The following NPHS1 variants were observed in gnomAD, a reference collection of about 807,000 sequenced individuals.
The protein encoded by NPHS1 is NPHS1 adhesion molecule, nephrin, also known as nephrin.
In NPHS1, 107 loss-of-function variants were observed where a neutral mutation model predicts 139.7. That is an observed-to-expected ratio of 0.77 (90% CI 0.66 to 0.90). NPHS1 has a LOEUF of 0.90. NPHS1 is among the 40% of genes least tolerant of loss of function. The pLI, the probability that NPHS1 is intolerant of heterozygous loss-of-function variation, is 0.00. For missense variants in NPHS1, 1,580 were observed against 1,654.2 expected, an observed-to-expected ratio of 0.96 and a Z score of 0.78; for synonymous variants, 707 against 706.6, an observed-to-expected ratio of 1.00 and a Z score of -0.01.
chr19:35,851,277 T>G lies in NPHS1; in HGVS notation c.382A>C (p.Ile128Leu). ...TCACCCATACCCAGGATGGAGAGGATCACTCTGGGAGACACGAGCTCGGGC... is the reference window on the plus strand; with the variant it reads ...TCACCCATACCCAGGATGGAGAGGAGCACTCTGGGAGACACGAGCTCGGGC... Reference protein sequence around the residue: ...MGPELVSPRVILSILVPPKLL... With the variant: ...MGPELVSPRVLLSILVPPKLL... Residue 128 changes from isoleucine (I) to leucine (L), a missense_variant, in exon 3 of 29, where the codon ATC becomes CTC. Transcript: ENST00000378910. The G allele has an allele frequency of 6.2e-7, 1 of 1,613,900 alleles. No homozygotes were observed. The highest frequency in any genetic ancestry group is 8.5e-7 in the Non-Finnish European group (1 of 1,179,922).
At chr19:35,848,567 C>T (rs976037421) in intron 9 of NPHS1, 70 bp downstream of exon 9, 3 of 1,600,004 alleles carry the variant, frequency 1.9e-6, no homozygotes, top group Non-Finnish European at 2.6e-6. Context: ...GGACCCACCC[C>T]TTCCCTATCC....
At chr19:35,833,876 T>G (rs1012297480) in intron 23 of NPHS1, among the ~76,000 whole-genome samples, 4 of 152,080 alleles carry the variant, frequency 2.6e-5, no homozygotes, top group Admixed American at 6.6e-5. Context: ...TTTTTTGTTT[T>G]TGTTTTATAG....
intron 23 of NPHS1, among the ~76,000 whole-genome samples, chr19:35,833,726 C>T (rs1240211037): frequency 9.2e-5 from 14 of 151,698 alleles, no homozygotes; most frequent in East Asian, 1.9e-4. Flanking sequence ...GACAGGGTCT[C>T]AACTCTGTTG....
intron 22 of NPHS1, among the ~76,000 whole-genome samples, 156 bp downstream of exon 22, chr19:35,839,081 A>T (rs1162003079): frequency 5.3e-5 from 8 of 152,124 alleles, no homozygotes; most frequent in Non-Finnish European, 1.5e-5. Context: ...TTTCAATCTC[A>T]TCTTTATCTT....
Position 35,851,332 on chromosome 19 carries a change from A to C in NPHS1, c.327T>G (p.Tyr109Ter), listed in dbSNP as rs779228955. 6.2e-7 allele frequency: 1 copy of C among 1,613,704 alleles called. No individual in the cohort carries two copies. Among genetic ancestry groups the C allele is most frequent in the African/African-American group, 1.3e-5 (1 of 74,892 alleles). Residue 109 changes from tyrosine to a stop codon, truncating the protein, a stop_gained, in exon 3 of 29, where the codon TAT becomes TAG. Coordinates refer to ENST00000378910, the MANE Select transcript of NPHS1 (RefSeq NM_004646.4). LOFTEE classifies it high-confidence loss of function. ...EACDLSDDAE[Y>*]ECQVGRSEMG... ...TCTCAGAGCGGCCGACCTGGCACTC[A>C]TACTCCGCGTCATCGCTGAGGTCAC... is the stretch of plus-strand genomic sequence containing the variant.
In NPHS1 at chr19:35,835,780, G is replaced by C; in HGVS notation, c.3110-19C>G. The stretch of plus-strand genomic sequence containing the variant: ...TGGAGACCTGGGGGGTGGATATACA[G>C]ATTGTGACTTAACACTAAGAATCTG... On this transcript the variant is annotated intron_variant, in intron 22 of 28. Coordinates refer to ENST00000378910, the MANE Select transcript of NPHS1 (RefSeq NM_004646.4). The C allele has an allele frequency of 1.2e-6, 2 of 1,609,612 alleles. No individual in the cohort carries two copies. Among genetic ancestry groups the C allele is most frequent in the Non-Finnish European group, 1.7e-6 (2 of 1,176,144 alleles).
At position 35,849,592 on chromosome 19, in the gene NPHS1, G is replaced by T; in HGVS notation, c.670C>A (p.Leu224Met). Residue 224 changes from leucine (L) to methionine (M), a missense_variant, in exon 6 of 29, where the codon CTG (leucine) becomes ATG (methionine). By Grantham distance (15) the Leu-to-Met change is conservative. Coordinates refer to ENST00000378910, the MANE Select transcript of NPHS1 (RefSeq NM_004646.4). ...AATGAGGCCTTGATGGGGGCCTCCA[G>T]TGCTGGGCTAGACGCCTCACAGACC... ...LLVCEASSPA[L>M]EAPIKASFTV... The T allele has an allele frequency of 6.2e-7, 1 of 1,614,138 alleles. No individual in the cohort carries two copies. Among genetic ancestry groups the T allele is most frequent in the East Asian group, 2.2e-5 (1 of 44,886 alleles).
chr19:35,833,225 C>G (rs1972907994), intron 23 of NPHS1, among the ~76,000 whole-genome samples: 1 of 152,018 alleles, frequency 6.6e-6, no homozygotes, highest in Non-Finnish European at 1.5e-5. Flanking sequence ...ACTTCCATCC[C>G]AGCCAATATC....
At chr19:35,828,836 T>C (rs1006051660) in intron 28 of NPHS1, among the ~76,000 whole-genome samples, 7 of 152,198 alleles carry the variant, frequency 4.6e-5, no homozygotes, top group Non-Finnish European at 1.0e-4. Flanking sequence ...CCATCTACGC[T>C]TTAGAGAGTG....
In NPHS1 at chr19:35,848,393, A is replaced by T; in HGVS notation, c.1175T>A (p.Leu392Gln). The T allele has an allele frequency of 6.2e-7, 1 of 1,614,134 alleles. No individual in the cohort carries two copies. The highest frequency in any genetic ancestry group is 8.5e-7 in the Non-Finnish European group (1 of 1,180,024). ...GGACATGGAGATGTGACCGCCATGC[A>T]GTCCCTGGCAGGGAGTGAGCTTCAG... Reference protein sequence around the residue: ...LPMEETVMDGLHGGHISMSNL... With the variant: ...LPMEETVMDGQHGGHISMSNL... The change falls in exon 10 of 29, where the codon CTG becomes CAG. Residue 392 changes from leucine (L) to glutamine (Q), a missense_variant. Leu to Gln is a moderately radical substitution (Grantham distance 113, BLOSUM62 -2). Transcript: ENST00000378910.
At position 35,851,817 on chromosome 19, in the gene NPHS1, G is replaced by T; in HGVS notation, c.21C>A (p.Leu7=). 1 of 1,552,402 alleles carries T rather than the reference G, an allele frequency of 6.4e-7. No individual in the cohort carries two copies. Among genetic ancestry groups the T allele is most frequent in the East Asian group, 2.4e-5 (1 of 41,054 alleles). The change falls in exon 1 of 29, where the codon CTC becomes CTA. Residue 7 remains leucine, a synonymous_variant. Transcript: ENST00000378910. The part of the protein sequence containing the change: MALGTT[L]RASLLLLGLL... ...GCCCCAGGAGCAGGAGAGAAGCCCT[G>T]AGCGTCGTCCCCAGGGCCATCACAG...
chr19:35,835,837 T>C (rs986940293), intron 22 of NPHS1, 76 bp from the exon 23 acceptor site: 12 of 1,306,216 alleles, frequency 9.2e-6, no homozygotes, highest in Non-Finnish European at 1.3e-5. Context: ...CAGCCTCTTC[T>C]TAAGCCTATT....
At position 35,833,438 on chromosome 19, in the gene NPHS1, C is replaced by T. The variant is rs369102567; in HGVS notation, c.3167-1676G>A. Among the ~76,000 whole-genome samples the T allele has an allele frequency of 3.3e-5, 5 of 152,264 alleles. No individual in the cohort carries two copies. In the East Asian group the frequency reaches 9.7e-4, roughly 29 times the overall value. On this transcript the variant is annotated intron_variant, in intron 23 of 28. Transcript: ENST00000378910. Reference sequence around the variant, plus strand: ...GGCCTGGAAAATAAGAGTCTCCATTCCTCTCTCCACAGTGATTGTTTAGAC... The same window carrying T: ...GGCCTGGAAAATAAGAGTCTCCATTTCTCTCTCCACAGTGATTGTTTAGAC...
intron 23 of NPHS1, among the ~76,000 whole-genome samples, 155 bp downstream of exon 23, chr19:35,835,550 C>A (rs971261476): frequency 1.3e-5 from 2 of 152,166 alleles, no homozygotes; most frequent in Non-Finnish European, 2.9e-5. Flanking sequence ...CATGCCTTGG[C>A]CTCCCAAAGT....
intron 23 of NPHS1, among the ~76,000 whole-genome samples, chr19:35,835,093 G>A (rs1320078778): frequency 5.3e-5 from 8 of 150,086 alleles, no homozygotes; most frequent in Non-Finnish European, 8.9e-5. Context: ...CCAGCAACTC[G>A]GGAGGCTAAG....
rs763948130 is a variant in NPHS1 at position 35,850,470 on chromosome 19, G to A, written c.527-25C>T. Reference sequence around the variant, plus strand: ...CCTTGGGGCAGCAAGAGGGCTAGAGGGGTTCCAGGCTCCCCGCAAGATAGA... The same window carrying A: ...CCTTGGGGCAGCAAGAGGGCTAGAGAGGTTCCAGGCTCCCCGCAAGATAGA... On this transcript the variant is annotated intron_variant, in intron 4 of 28. Coordinates refer to ENST00000378910, the MANE Select transcript of NPHS1 (RefSeq NM_004646.4). 6.2e-6 allele frequency: 10 copies of A among 1,601,690 alleles called. No individual in the cohort carries two copies. The South Asian group carries it at 1.1e-4, about 18-fold the overall frequency.
chr19:35,826,708 C>G (rs1972805418), intron 28 of NPHS1, 63 bp from the exon 29 acceptor site: 1 of 1,580,082 alleles, frequency 6.3e-7, no homozygotes, highest in Non-Finnish European at 8.7e-7. Flanking sequence ...CATTGAAGAT[C>G]TGGGGGATAC....
In NPHS1 at chr19:35,841,632, A is replaced by G. The variant is rs567186833; in HGVS notation, c.2815+83T>C. ...ACACAGAACTTCCGGTTTCAGAAAC[A>G]TGGGCAGCCCAGGGCCAATCAGGGA... On this transcript the variant is annotated intron_variant, in intron 20 of 28. Transcript: ENST00000378910. 3.3e-5 allele frequency: 51 copies of G among 1,546,016 alleles called. No individual in the cohort carries two copies. The African/African-American group carries it at 4.9e-4, about 15-fold the overall frequency.
At chr19:35,838,468 G>T (rs1026828583) in intron 22 of NPHS1, among the ~76,000 whole-genome samples, 1 of 152,076 alleles carries the variant, frequency 6.6e-6, no homozygotes, top group South Asian at 2.1e-4. Context: ...CAGGAGAATC[G>T]CTTGAACCCG....
Sources: allele counts gnomAD v4.1 joint callset (sites outside exome capture counted in the v4.1 genomes callset), GRCh38; gene constraint gnomAD v4.1.1; transcripts MANE v1.5; gene names NCBI Gene and HGNC (gene_info 2026-07-23, HGNC 2026-07-21).